PARD3B: variants seen among roughly 807,000 people sequenced by gnomAD.
PARD3B encodes the protein partitioning defective 3 homolog B.
A neutral mutation model predicts 130.2 loss-of-function variants in PARD3B; 103 were observed. That is an observed-to-expected ratio of 0.79 (90% CI 0.67 to 0.93). PARD3B has a LOEUF of 0.93. PARD3B is among the 40% of genes least tolerant of loss of function. The pLI is 0.00. For synonymous variants in PARD3B, 583 were observed against 553.2 expected, an observed-to-expected ratio of 1.05 and a Z score of -0.76; for missense variants, 1,609 against 1,499.2, an observed-to-expected ratio of 1.07 and a Z score of -1.21.
intron 18 of PARD3B, among the ~76,000 whole-genome samples, chr2:205,357,325 T>C (rs1472352289): frequency 6.6e-6 from 1 of 152,198 alleles, no homozygotes; most frequent in African/African-American, 2.4e-5. Flanking sequence ...ACACTTCGGA[T>C]TGGGTGTTGC....
intron 18 of PARD3B, among the ~76,000 whole-genome samples, chr2:205,342,586 G>A (rs1459117032): frequency 1.3e-5 from 2 of 152,136 alleles, no homozygotes; most frequent in African/African-American, 4.8e-5. Context: ...ACATGAGGTA[G>A]AGCAGCATAT....
intron 20 of PARD3B, among the ~76,000 whole-genome samples, chr2:205,447,015 C>T (rs1364826214): frequency 6.6e-6 from 1 of 152,194 alleles, no homozygotes. Context: ...GGTTTGATTG[C>T]ACACAGTATC....
chr2:205,493,867 C>A (rs542699441), intron 20 of PARD3B, among the ~76,000 whole-genome samples: 1 of 152,118 alleles, frequency 6.6e-6, no homozygotes, highest in African/African-American at 2.4e-5. Flanking sequence ...AAGTGATTAT[C>A]CTGCCTCAGC....
chr2:205,172,064 T>C, intron 11 of PARD3B, 147 bp from the exon 12 acceptor site: 1 of 724,650 alleles, frequency 1.4e-6, no homozygotes, highest in East Asian at 2.8e-5. Flanking sequence ...CAGAGCCTTT[T>C]TCTGCCATGG....
intron 20 of PARD3B, among the ~76,000 whole-genome samples, chr2:205,490,528 C>G (rs932711164): frequency 6.6e-6 from 1 of 152,106 alleles, no homozygotes; most frequent in Non-Finnish European, 1.5e-5. Context: ...GGACATTTGG[C>G]TTGGTTCCAA....
At chr2:205,032,288 G>A (rs1697482900) in intron 3 of PARD3B, among the ~76,000 whole-genome samples, 1 of 152,078 alleles carries the variant, frequency 6.6e-6, no homozygotes, top group African/African-American at 2.4e-5. Context: ...GCAGCCATAT[G>A]AAACACCTGG....
chr2:204,786,796 C>T (rs73066617), intron 2 of PARD3B, among the ~76,000 whole-genome samples: 4,274 of 151,328 alleles, frequency 0.028, 194 homozygotes, highest in African/African-American at 0.096. Context: ...AATGAGAAAC[C>T]GTATTCATCA....
chr2:205,037,414 A>G, intron 3 of PARD3B, among the ~76,000 whole-genome samples: 1 of 147,614 alleles, frequency 6.8e-6, no homozygotes, highest in Admixed American at 6.9e-5. Flanking sequence ...GACTATATGT[A>G]TAAAATATAT....
At chr2:204,661,531 A>G (rs948307489) in intron 1 of PARD3B, among the ~76,000 whole-genome samples, 1 of 152,204 alleles carries the variant, frequency 6.6e-6, no homozygotes, top group East Asian at 1.9e-4. Context: ...TCCATCTGGA[A>G]TACAGTACTC....
intron 21 of PARD3B, 136 bp from the exon 22 acceptor site, chr2:205,553,188 G>C: frequency 2.8e-6 from 2 of 722,016 alleles, no homozygotes; most frequent in South Asian, 3.7e-5. Flanking sequence ...GCAATGTGGA[G>C]TTCTTGCTTG....
At chr2:205,551,669 C>T (rs1345903589) in intron 21 of PARD3B, among the ~76,000 whole-genome samples, 3 of 152,158 alleles carry the variant, frequency 2.0e-5, no homozygotes, top group Non-Finnish European at 4.4e-5. Flanking sequence ...CAAGTGTATA[C>T]TTGTTTTGCA....
chr2:205,157,609 AT>A (rs1444196034), intron 10 of PARD3B, among the ~76,000 whole-genome samples: 1 of 152,192 alleles, frequency 6.6e-6, no homozygotes, highest in Non-Finnish European at 1.5e-5. Context: ...TGTGACTGAC[AT>A]TCAGACATTC....
At chr2:205,435,849 T>A (rs1482753797) in intron 19 of PARD3B, among the ~76,000 whole-genome samples, 2 of 152,186 alleles carry the variant, frequency 1.3e-5, no homozygotes, top group Non-Finnish European at 2.9e-5. Context: ...TAGTCTTAGT[T>A]TTATATTTAA....
At chr2:205,005,168 T>TAC (rs374225093) in intron 3 of PARD3B, among the ~76,000 whole-genome samples, 14 of 151,908 alleles carry the variant, frequency 9.2e-5, no homozygotes, top group African/African-American at 2.2e-4. Flanking sequence ...CTCTCTAGTA[T>TAC]ACACACACAC....
In PARD3B at chr2:204,594,858, T is replaced by C. The variant is rs554167254; in HGVS notation, c.120+48739T>C. Among the ~76,000 whole-genome samples the C allele has an allele frequency of 3.9e-5, 6 of 152,314 alleles. No individual in the cohort carries two copies. In the South Asian group the frequency reaches 8.3e-4, roughly 21 times the overall value. ...TGTAAATAGCACAGAATTAAAGACA[T>C]ATGGAAGCCTCAGCTATGTTGGTGT... On this transcript the variant is annotated intron_variant, in intron 1 of 22. Transcript: ENST00000406610.
chr2:204,730,001 A>ACACG (rs2039429077), intron 2 of PARD3B, among the ~76,000 whole-genome samples: 1 of 112,894 alleles, frequency 8.9e-6, no homozygotes, highest in Non-Finnish European at 1.7e-5. Flanking sequence ...ACACACAAAC[A>ACACG]CACACACACA....
intron 3 of PARD3B, among the ~76,000 whole-genome samples, chr2:205,009,629 C>T (rs974760062): frequency 1.3e-5 from 2 of 150,540 alleles, no homozygotes; most frequent in Admixed American, 1.3e-4. Context: ...CGAGATTGCG[C>T]CACTGCACTC....
intron 2 of PARD3B, among the ~76,000 whole-genome samples, chr2:204,808,070 G>T (rs1394506161): frequency 6.6e-6 from 1 of 151,770 alleles, no homozygotes; most frequent in African/African-American, 2.4e-5. Flanking sequence ...AGTAGCTCAT[G>T]TACCCTATAA....
intron 16 of PARD3B, among the ~76,000 whole-genome samples, chr2:205,293,979 C>T (rs1412253932): frequency 1.3e-5 from 2 of 152,118 alleles, no homozygotes; most frequent in Non-Finnish European, 2.9e-5. Flanking sequence ...TTATTTGACC[C>T]TCAAATGAGT....
Sources: gnomAD v4.1 joint callset for allele counts (sites outside exome capture counted in the v4.1 genomes callset) on GRCh38, gnomAD v4.1.1 for gene constraint, MANE v1.5 for transcripts, NCBI Gene and HGNC (gene_info 2026-07-23, HGNC 2026-07-21) for gene names.